RAD51B: variants seen among roughly 807,000 people sequenced by gnomAD.
RAD51B encodes RAD51 paralog B.
A neutral mutation model predicts 42.2 loss-of-function variants in RAD51B; 38 were observed. The observed-to-expected ratio is 0.90, with a 90% CI of 0.70 to 1.18. The LOEUF (loss-of-function observed/expected upper bound fraction) is 1.18. Ranked by LOEUF, RAD51B falls within the 50% of genes most tolerant of loss-of-function variation. RAD51B has a pLI of 0.00. For synonymous variants in RAD51B, 154 were observed against 145.2 expected (o/e 1.06, Z -0.43); for missense variants, 373 against 400.7 (o/e 0.93, Z 0.59).
Position 67,975,625 on chromosome 14 carries a change from G to A in RAD51B, c.756+88421G>A, listed in dbSNP as rs2074978495. Among the ~76,000 whole-genome samples, 3 of 152,298 alleles carry A rather than the reference G, an allele frequency of 2.0e-5. 1 individual carries two copies. In the East Asian group the frequency reaches 5.8e-4, roughly 29 times the overall value. On this transcript the variant is annotated intron_variant, in intron 7 of 10. Coordinates refer to ENST00000471583, the MANE Select transcript of RAD51B (RefSeq NM_133510.4). Reference sequence around the variant, plus strand: ...TGCAGCCACGTGCTGGAAGATTTATGGACAGAAAAAGGAAAGTGACGTACA... The same window carrying A: ...TGCAGCCACGTGCTGGAAGATTTATAGACAGAAAAAGGAAAGTGACGTACA...
chr14:68,172,395 G>T (rs80015673), intron 7 of RAD51B, among the ~76,000 whole-genome samples: 1,581 of 152,254 alleles, frequency 0.01, 26 homozygotes, highest in African/African-American at 0.036. Flanking sequence ...ATTAGCCAGG[G>T]CCCAATTCAT....
At chr14:68,366,462 T>C (rs1410428117) in intron 8 of RAD51B, among the ~76,000 whole-genome samples, 2 of 152,166 alleles carry the variant, frequency 1.3e-5, no homozygotes, top group Non-Finnish European at 1.5e-5. Flanking sequence ...GAACCCCCTA[T>C]GGTCATAAAT....
At chr14:68,167,662 T>C (rs2078781275) in intron 7 of RAD51B, among the ~76,000 whole-genome samples, 1 of 152,126 alleles carries the variant, frequency 6.6e-6, no homozygotes, top group Non-Finnish European at 1.5e-5. Context: ...ATTTGATGGG[T>C]AGACGAGGTC....
Position 68,346,830 on chromosome 14 carries a change from A to T in RAD51B, c.853+54850A>T, listed in dbSNP as rs893869062. 4.6e-5 allele frequency among the ~76,000 whole-genome samples: 7 copies of T among 152,128 alleles called. No homozygotes were observed. The East Asian group carries it at 1.2e-3, about 25-fold the overall frequency. The stretch of plus-strand genomic sequence containing the variant: ...TCCATCACCCCTCCTCCCAGTAAAC[A>T]CATACACTAGAACCATTGTGAATTT... On this transcript the variant is annotated intron_variant, in intron 8 of 10. Transcript: ENST00000471583.
chr14:68,124,766 A>G (rs1177311307), intron 7 of RAD51B, among the ~76,000 whole-genome samples: 1 of 152,182 alleles, frequency 6.6e-6, no homozygotes, highest in Non-Finnish European at 1.5e-5. Flanking sequence ...AGCCTGGCCA[A>G]CATGGTGAAA....
intron 9 of RAD51B, among the ~76,000 whole-genome samples, chr14:68,465,957 AATAAAT>A (rs2085974086): frequency 3.3e-5 from 2 of 61,228 alleles, no homozygotes; most frequent in African/African-American, 5.0e-5. Flanking sequence ...AAAAAAAATA[AATAAAT>A]AAATAAATAA....
chr14:68,081,286 G>C (rs963328164), intron 7 of RAD51B, among the ~76,000 whole-genome samples: 2 of 151,946 alleles, frequency 1.3e-5, no homozygotes, highest in African/African-American at 4.8e-5. Flanking sequence ...TTGTTTTTCT[G>C]TCTGAAGTGG....
At chr14:68,169,891 T>C (rs2078834019) in intron 7 of RAD51B, among the ~76,000 whole-genome samples, 1 of 152,208 alleles carries the variant, frequency 6.6e-6, no homozygotes, top group Admixed American at 6.5e-5. Context: ...CAAAGACTTT[T>C]CTAAATTAAA....
downstream of RAD51B, among the ~76,000 whole-genome samples, chr14:68,599,169 G>T (rs1404824321): frequency 6.6e-6 from 1 of 152,196 alleles, no homozygotes; most frequent in Non-Finnish European, 1.5e-5. Flanking sequence ...GAACACAGGG[G>T]GCTGCCAGGA....
chr14:68,037,120 TACCCTCCCCTACCCTACCCTCCC>T (rs1156972632), intron 7 of RAD51B, among the ~76,000 whole-genome samples: 1 of 5,132 alleles, frequency 1.9e-4, no homozygotes, highest in African/African-American at 1.4e-3. Flanking sequence ...TCCCCTCCCC[TACCCTCCCCTACCCTACCCTCCC>T]CCCCTCCCCC....
chr14:68,044,830 C>A (rs562832898), intron 7 of RAD51B, among the ~76,000 whole-genome samples: 1 of 152,152 alleles, frequency 6.6e-6, no homozygotes, highest in African/African-American at 2.4e-5. Context: ...AACATTGTCA[C>A]ATTTTACATT....
At chr14:68,546,280 G>A (rs1888230360) in intron 10 of RAD51B, among the ~76,000 whole-genome samples, 1 of 152,192 alleles carries the variant, frequency 6.6e-6, no homozygotes, top group African/African-American at 2.4e-5. Flanking sequence ...AGAAGGGAAG[G>A]GGAGAGATTT....
At chr14:68,443,006 G>A (rs2085337840) in intron 9 of RAD51B, among the ~76,000 whole-genome samples, 1 of 152,098 alleles carries the variant, frequency 6.6e-6, no homozygotes, top group African/African-American at 2.4e-5. Flanking sequence ...CATTCACCCT[G>A]TGTTCCACTC....
chr14:68,045,815 G>T (rs898515042), intron 7 of RAD51B, among the ~76,000 whole-genome samples: 1 of 151,988 alleles, frequency 6.6e-6, no homozygotes, highest in African/African-American at 2.4e-5. Flanking sequence ...CAAACCTTTG[G>T]GGATGATGAT....
intron 7 of RAD51B, among the ~76,000 whole-genome samples, chr14:68,084,870 T>G (rs1464525335): frequency 6.6e-6 from 1 of 152,192 alleles, no homozygotes; most frequent in African/African-American, 2.4e-5. Flanking sequence ...CCGTGGATAA[T>G]AAGTCTGATG....
intron 10 of RAD51B, among the ~76,000 whole-genome samples, chr14:68,588,746 T>C (rs190267027): frequency 6.6e-6 from 1 of 152,320 alleles, no homozygotes; most frequent in African/African-American, 2.4e-5. Context: ...AGAGTAGGAT[T>C]CTCTTGTCAT....
intron 10 of RAD51B, among the ~76,000 whole-genome samples, chr14:68,589,849 T>TC (rs563853193): frequency 5.3e-5 from 8 of 152,058 alleles, no homozygotes; most frequent in Admixed American, 1.3e-4. Flanking sequence ...AAGGGCTTTT[T>TC]CCCCCCCATT....
At chr14:68,660,826 A>C (rs1892917921) in intron 11 of RAD51B, among the ~76,000 whole-genome samples, 1 of 152,216 alleles carries the variant, frequency 6.6e-6, no homozygotes, top group Non-Finnish European at 1.5e-5. Flanking sequence ...CTGATAAGTG[A>C]ATTCTGAAAC....
chr14:67,985,433 A>G (rs2075167637), intron 7 of RAD51B, among the ~76,000 whole-genome samples: 1 of 152,242 alleles, frequency 6.6e-6, no homozygotes. Context: ...TCAATATACC[A>G]TAATCTAACA....
Sources: gnomAD v4.1 joint callset for allele counts (sites outside exome capture counted in the v4.1 genomes callset) on GRCh38, gnomAD v4.1.1 for gene constraint, MANE v1.5 for transcripts, NCBI Gene and HGNC (gene_info 2026-07-23, HGNC 2026-07-21) for gene names.